The following PHKB variants were observed in gnomAD, a reference collection of about 807,000 sequenced individuals.
PHKB encodes the protein phosphorylase b kinase regulatory subunit beta.
Under a neutral mutation model 152.1 loss-of-function variants are expected in PHKB, and 122 were observed. The observed-to-expected ratio is 0.80, with a 90% CI of 0.69 to 0.93. The LOEUF is 0.93. Among genes scored for constraint, PHKB ranks in the 40% least tolerant of loss-of-function variants. The probability of loss-of-function intolerance (pLI) is 0.00; values close to 1 mark genes in which losing one functional copy is unlikely to be tolerated. For missense variants in PHKB, 1,304 were observed against 1,328.4 expected, an observed-to-expected ratio of 0.98 and a Z score of 0.29; for synonymous variants, 436 against 464.9, an observed-to-expected ratio of 0.94 and a Z score of 0.80.
intron 6 of PHKB, among the ~76,000 whole-genome samples, chr16:47,544,441 T>G (rs771623871): frequency 6.6e-6 from 1 of 152,246 alleles, no homozygotes; most frequent in Non-Finnish European, 1.5e-5. Context: ...GATCACACTG[T>G]GGTCTCAGAG....
chr16:47,498,914 G>A (rs539700138), intron 2 of PHKB, among the ~76,000 whole-genome samples: 9 of 152,038 alleles, frequency 5.9e-5, no homozygotes, highest in Non-Finnish European at 1.2e-4. Flanking sequence ...AAACAAAAGG[G>A]TAGTTGCCAA....
intron 25 of PHKB, chr16:47,665,659 T>G: frequency 2.0e-6 from 1 of 492,254 alleles, no homozygotes; most frequent in Non-Finnish European, 3.7e-6. Context: ...AAAATAATAA[T>G]TAGGTTTTCT....
At chr16:47,533,420 C>A (rs934049946) in intron 6 of PHKB, among the ~76,000 whole-genome samples, 5 of 152,170 alleles carry the variant, frequency 3.3e-5, no homozygotes, top group African/African-American at 9.6e-5. Flanking sequence ...GCCCAGGAAC[C>A]TGTCTGCCTC....
chr16:47,519,677 C>A (rs1333988200), intron 6 of PHKB, among the ~76,000 whole-genome samples: 2 of 152,192 alleles, frequency 1.3e-5, no homozygotes, highest in East Asian at 3.8e-4. Flanking sequence ...CCTCAGAAGT[C>A]ACATTTATAT....
chr16:47,697,592 T>G (rs1029174244), intron 29 of PHKB, among the ~76,000 whole-genome samples: 1 of 152,200 alleles, frequency 6.6e-6, no homozygotes, highest in African/African-American at 2.4e-5. Context: ...CCCTGGATTT[T>G]ACTGTGTTTC....
At chr16:47,653,903 A>G (rs1318240956) in intron 20 of PHKB, among the ~76,000 whole-genome samples, 1 of 152,168 alleles carries the variant, frequency 6.6e-6, no homozygotes, top group Non-Finnish European at 1.5e-5. Flanking sequence ...ATGGTTAAGG[A>G]CAAAAATCAG....
At position 47,587,773 on chromosome 16, in the gene PHKB, TTAA is replaced by T. The variant is rs766367879; in HGVS notation, c.870+15_870+17del. The T allele has an allele frequency of 5.8e-6, 9 of 1,558,956 alleles. No homozygotes were observed. The East Asian group carries it at 2.0e-4, about 35-fold the overall frequency. On this transcript the variant is annotated intron_variant, in intron 9 of 30. Coordinates refer to ENST00000323584, the MANE Select transcript of PHKB (RefSeq NM_000293.3). ...AGAATCAAGATCACATGTGAGACATTTAATAATGATAAATTTAACATGAACTAT... is the reference window on the plus strand; with the variant it reads ...AGAATCAAGATCACATGTGAGACATTTAATGATAAATTTAACATGAACTAT...
chr16:47,695,681 C>G (rs1238518490), intron 28 of PHKB, among the ~76,000 whole-genome samples: 1 of 152,162 alleles, frequency 6.6e-6, no homozygotes, highest in Admixed American at 6.5e-5. Context: ...TCTAGTCACC[C>G]CATCTGCCTT....
intron 26 of PHKB, 80 bp from the exon 27 acceptor site, chr16:47,688,961 A>G (rs569384544): frequency 1.4e-5 from 20 of 1,465,530 alleles, no homozygotes; most frequent in African/African-American, 2.8e-5. Flanking sequence ...GGTCAGTGCT[A>G]TTAAGGGCAT....
chr16:47,535,069 TACTC>T (rs1471248991), intron 6 of PHKB, among the ~76,000 whole-genome samples: 1 of 152,328 alleles, frequency 6.6e-6, no homozygotes, highest in East Asian at 1.9e-4. Context: ...CCTGAGCAGT[TACTC>T]ACTGCAGGTA....
chr16:47,697,560 C>T (rs1974169558), intron 29 of PHKB, among the ~76,000 whole-genome samples: 2 of 152,184 alleles, frequency 1.3e-5, no homozygotes, highest in Non-Finnish European at 2.9e-5. Flanking sequence ...AAGGCCTGCC[C>T]TAAGGTTTCC....
At chr16:47,489,514 G>A (rs931521468) in intron 1 of PHKB, among the ~76,000 whole-genome samples, 8 of 152,172 alleles carry the variant, frequency 5.3e-5, no homozygotes, top group African/African-American at 1.4e-4. Flanking sequence ...GATTGGTTTC[G>A]ATGGAACTCT....
intron 6 of PHKB, among the ~76,000 whole-genome samples, chr16:47,521,306 A>G (rs1970681634): frequency 6.6e-6 from 1 of 152,192 alleles, no homozygotes; most frequent in African/African-American, 2.4e-5. Flanking sequence ...GCGAGTGGAC[A>G]TCCTTGTCTT....
chr16:47,475,677 C>A (rs1163187127), intron 1 of PHKB, among the ~76,000 whole-genome samples: 1 of 152,134 alleles, frequency 6.6e-6, no homozygotes, highest in Non-Finnish European at 1.5e-5. Flanking sequence ...AATTCCCATG[C>A]TTCCAAATAA....
intron 6 of PHKB, among the ~76,000 whole-genome samples, chr16:47,527,535 A>G (rs1170214113): frequency 6.6e-6 from 1 of 152,214 alleles, no homozygotes; most frequent in South Asian, 2.1e-4. Flanking sequence ...GAAAAAAGGA[A>G]TCTTCTATAA....
intron 14 of PHKB, among the ~76,000 whole-genome samples, chr16:47,613,265 T>C (rs1972459632): frequency 6.6e-6 from 1 of 152,206 alleles, no homozygotes; most frequent in Admixed American, 6.5e-5. Flanking sequence ...GGGCAAGTCC[T>C]GAGGAACCTC....
At chr16:47,636,672 C>G (rs969575033) in intron 14 of PHKB, among the ~76,000 whole-genome samples, 9 of 152,376 alleles carry the variant, frequency 5.9e-5, no homozygotes, top group Non-Finnish European at 8.8e-5. Flanking sequence ...TCAGCCCCCT[C>G]TGGGCTTTGA....
At chr16:47,699,062 G>A (rs1974204064) in intron 30 of PHKB, 167 bp from the exon 31 acceptor site, 1 of 665,812 alleles carries the variant, frequency 1.5e-6, no homozygotes, top group African/African-American at 1.8e-5. Flanking sequence ...ATCTGTCTTT[G>A]TTTTATATAC....
chr16:47,656,078 G>A (rs533968882), intron 20 of PHKB, among the ~76,000 whole-genome samples: 3 of 151,512 alleles, frequency 2.0e-5, no homozygotes, highest in East Asian at 1.9e-4. Context: ...GTGCAGTGGC[G>A]CGATCTTGGC....
Sources: gnomAD v4.1 joint callset for allele counts (sites outside exome capture counted in the v4.1 genomes callset) on GRCh38, gnomAD v4.1.1 for gene constraint, MANE v1.5 for transcripts, NCBI Gene and HGNC (gene_info 2026-07-23, HGNC 2026-07-21) for gene names.